CSMD2: variants seen among roughly 807,000 people sequenced by gnomAD.
CSMD2 encodes the protein CUB and sushi domain-containing protein 2.
CSMD2 carries 130 observed loss-of-function variants against 398.5 expected under a neutral mutation model. The ratio of observed to expected loss-of-function variants is 0.33; its 90% CI spans 0.28 to 0.38. The LOEUF is 0.38. Among genes scored for constraint, CSMD2 ranks in the 10% least tolerant of loss-of-function variants. CSMD2 has a pLI of 1.00. For missense variants in CSMD2, 3,829 were observed against 4,764.9 expected, an observed-to-expected ratio of 0.80 and a Z score of 5.78; for synonymous variants, 1,828 against 1,908.5, an observed-to-expected ratio of 0.96 and a Z score of 1.10.
chr1:33,702,595 T>A (rs1310943500), intron 22 of CSMD2, among the ~76,000 whole-genome samples: 1 of 152,196 alleles, frequency 6.6e-6, no homozygotes, highest in African/African-American at 2.4e-5. Context: ...TTTATAACAA[T>A]AAGATCGAAT....
At chr1:33,697,101 A>AAATCC (rs1645443525) in intron 24 of CSMD2, among the ~76,000 whole-genome samples, 1 of 152,156 alleles carries the variant, frequency 6.6e-6, no homozygotes, top group South Asian at 2.1e-4. Flanking sequence ...TGAACCCAAT[A>AAATCC]AGTCCAGTCC....
In CSMD2 at chr1:33,521,539, C is replaced by T; in HGVS notation, c.10521G>A (p.Glu3507=). ...GGTAGATGAAGGTGGCTCCGGAGGACTCTGACGAGACCTGTGATGGTGGGG... is the reference window on the plus strand; with the variant it reads ...GGTAGATGAAGGTGGCTCCGGAGGATTCTGACGAGACCTGTGATGGTGGGG... The part of the protein sequence containing the change: ...HWALDGHVSS[E]SSGATFIYQG... Residue 3507 remains glutamate (E), a synonymous_variant, in exon 68 of 71, where the codon GAG becomes GAA. Coordinates refer to ENST00000373381, the MANE Select transcript of CSMD2 (RefSeq NM_001281956.2). The T allele has an allele frequency of 6.2e-7, 1 of 1,610,790 alleles. No individual in the cohort carries two copies. Among genetic ancestry groups the T allele is most frequent in the Non-Finnish European group, 8.5e-7 (1 of 1,176,962 alleles).
At chr1:33,600,282 C>T in intron 44 of CSMD2, 1 of 654,828 alleles carries the variant, frequency 1.5e-6, no homozygotes, top group Non-Finnish European at 2.8e-6. Flanking sequence ...TAGATAGGCA[C>T]AAGTCCACAG....
intron 13 of CSMD2, among the ~76,000 whole-genome samples, chr1:33,769,826 T>C (rs1651025687): frequency 6.6e-6 from 1 of 152,224 alleles, no homozygotes; most frequent in African/African-American, 2.4e-5. Flanking sequence ...AAGGGCAATG[T>C]TATTTGCCAA....
intron 25 of CSMD2, among the ~76,000 whole-genome samples, chr1:33,666,865 G>T (rs1468330086): frequency 6.6e-6 from 1 of 152,166 alleles, no homozygotes; most frequent in Non-Finnish European, 1.5e-5. Context: ...TGGTGTGGCT[G>T]TACGTGCTCT....
intron 5 of CSMD2, among the ~76,000 whole-genome samples, chr1:33,881,314 A>G (rs760953864): frequency 2.0e-5 from 3 of 152,336 alleles, no homozygotes; most frequent in Non-Finnish European, 4.4e-5. Flanking sequence ...AAATGAGAAT[A>G]ACAGCTACTA....
chr1:33,555,462 A>C (rs2148645170), intron 55 of CSMD2, among the ~76,000 whole-genome samples: 1 of 152,370 alleles, frequency 6.6e-6, no homozygotes, highest in African/African-American at 2.4e-5. Flanking sequence ...AAGTGGCAGC[A>C]GGATTTGAGA....
In CSMD2 at chr1:33,541,159, G is replaced by C; in HGVS notation, c.9428C>G (p.Thr3143Arg). 6.2e-7 allele frequency: 1 copy of C among 1,614,054 alleles called. No homozygotes were observed. The change falls in exon 59 of 71, where the codon ACA (threonine) becomes AGA (arginine). Residue 3143 changes from threonine (T) to arginine (R), a missense_variant. This residue lies in a region of CSMD2 where 917 missense variants were observed against 1,199.5 expected (regional missense o/e 0.76). Transcript: ENST00000373381. The part of the protein sequence containing the change: ...VSVLSCTKDR[T>R]WNGTKPVCKA... Reference sequence around the variant, plus strand: ...GCAGACGGGCTTGGTTCCATTCCATGTCCGGTCCTTGGTGCAGCTCAGCAC... The same window carrying C: ...GCAGACGGGCTTGGTTCCATTCCATCTCCGGTCCTTGGTGCAGCTCAGCAC...
chr1:34,140,384 T>C (rs1275749975), intron 1 of CSMD2, among the ~76,000 whole-genome samples: 1 of 150,614 alleles, frequency 6.6e-6, no homozygotes, highest in African/African-American at 2.4e-5. Flanking sequence ...AGGCTGAAAT[T>C]CTGGCTCTCC....
chr1:33,740,868 T>C (rs1394367736), intron 14 of CSMD2, among the ~76,000 whole-genome samples: 1 of 152,124 alleles, frequency 6.6e-6, no homozygotes, highest in Non-Finnish European at 1.5e-5. Context: ...CAAATGCACA[T>C]AGCAGGAATA....
At chr1:33,829,823 A>G (rs1416151961) in intron 6 of CSMD2, among the ~76,000 whole-genome samples, 2 of 141,256 alleles carry the variant, frequency 1.4e-5, no homozygotes, top group Admixed American at 7.4e-5. Context: ...CGCTTTTCCA[A>G]CGGGCTTAGG....
intron 5 of CSMD2, chr1:33,864,916 AGAAGGGGAAGGGAGGAGAGGAG>A (rs1639874956): frequency 1.3e-5 from 3 of 230,574 alleles, no homozygotes; most frequent in African/African-American, 1.7e-4. Context: ...GGGAAGGGAA[AGAAGGGGAAGGGAGGAGAGGAG>A]GGAGGGGAAG....
At chr1:34,062,359 G>T (rs1654608933) in intron 2 of CSMD2, among the ~76,000 whole-genome samples, 1 of 152,194 alleles carries the variant, frequency 6.6e-6, no homozygotes, top group Non-Finnish European at 1.5e-5. Flanking sequence ...TCCATCAGGG[G>T]TGTCCATGGT....
intron 5 of CSMD2, among the ~76,000 whole-genome samples, chr1:33,854,029 C>A (rs1638900156): frequency 1.3e-5 from 2 of 152,202 alleles, no homozygotes; most frequent in Admixed American, 1.3e-4. Flanking sequence ...ATGTTCCCAA[C>A]AATTAAGAAT....
At chr1:33,653,352 C>T (rs145280593) in intron 27 of CSMD2, among the ~76,000 whole-genome samples, 128 of 152,274 alleles carry the variant, frequency 8.4e-4, no homozygotes, top group African/African-American at 2.7e-3. Context: ...TGTGAGTTCC[C>T]GTGCACTCAA....
intron 6 of CSMD2, among the ~76,000 whole-genome samples, chr1:33,832,601 A>G (rs748413996): frequency 5.4e-5 from 8 of 149,058 alleles, no homozygotes; most frequent in Non-Finnish European, 1.0e-4. Flanking sequence ...CTAGAGAAGC[A>G]AGAGCAAACA....
In CSMD2 at chr1:33,544,043, A is replaced by G. The variant is rs933505886; in HGVS notation, c.9101-1147T>C. 3.3e-5 allele frequency among the ~76,000 whole-genome samples: 5 copies of G among 151,092 alleles called. No homozygotes were observed. In the South Asian group the frequency reaches 1.0e-3, roughly 32 times the overall value. ...TAGTTGGCTCCTGAGTCCAGTTAAC[A>G]TGACCTCAGTTATCTTTGGTGGAAT... On this transcript the variant is annotated intron_variant, in intron 57 of 70. Transcript: ENST00000373381.
At chr1:34,052,266 A>G (rs1408086915) in intron 2 of CSMD2, among the ~76,000 whole-genome samples, 3 of 151,702 alleles carry the variant, frequency 2.0e-5, no homozygotes, top group Non-Finnish European at 4.4e-5. Context: ...ATTAAATAAT[A>G]AATAATATTA....
intron 3 of CSMD2, among the ~76,000 whole-genome samples, chr1:33,942,727 C>T (rs909689461): frequency 2.6e-5 from 4 of 152,230 alleles, no homozygotes; most frequent in African/African-American, 9.6e-5. Flanking sequence ...ACAACTCCCA[C>T]TAACCTATTC....
Sources: gnomAD v4.1 joint callset for allele counts (sites outside exome capture counted in the v4.1 genomes callset) on GRCh38, gnomAD v4.1.1 for gene constraint, gnomAD v4.1.1 regional missense constraint, MANE v1.5 for transcripts, NCBI Gene and HGNC (gene_info 2026-07-23, HGNC 2026-07-21) for gene names.